BCO1: variants seen among roughly 807,000 people sequenced by gnomAD.
BCO1 encodes beta,beta-carotene 15,15'-dioxygenase.
BCO1 carries 54 observed loss-of-function variants against 56.3 expected under a neutral mutation model. The observed-to-expected ratio is 0.96, with a 90% CI of 0.77 to 1.20. The LOEUF (loss-of-function observed/expected upper bound fraction) is 1.20. BCO1 is among the 50% of genes most tolerant of loss of function. BCO1 has a pLI of 0.00. For synonymous variants in BCO1, 318 were observed against 266.1 expected (o/e 1.20, Z -1.90); for missense variants, 801 against 690.9 (o/e 1.16, Z -1.79).
chr16:81,278,630 A>C (rs1567462455), intron 7 of BCO1, among the ~76,000 whole-genome samples: 1 of 152,170 alleles, frequency 6.6e-6, no homozygotes, highest in Non-Finnish European at 1.5e-5. Context: ...AGTGCCTTGG[A>C]GACACTGCAG....
intron 6 of BCO1, 93 bp downstream of exon 6, chr16:81,268,224 G>T (rs948678475): frequency 1.9e-6 from 2 of 1,064,166 alleles, no homozygotes; most frequent in Non-Finnish European, 2.6e-6. Flanking sequence ...CAAGGAAGTG[G>T]CATGGAAGAG....
chr16:81,265,053 CA>C (rs1429629408), intron 5 of BCO1, among the ~76,000 whole-genome samples: 1 of 152,048 alleles, frequency 6.6e-6, no homozygotes, highest in Non-Finnish European at 1.5e-5. Context: ...ACCCATCTAC[CA>C]TCCATCCATC....
chr16:81,246,263 T>C (rs921234176), intron 2 of BCO1, among the ~76,000 whole-genome samples: 1 of 152,086 alleles, frequency 6.6e-6, no homozygotes, highest in African/African-American at 2.4e-5. Flanking sequence ...TTACATTGAA[T>C]CCACTCAGAT....
chr16:81,285,691 A>ACC, intron 9 of BCO1, 57 bp downstream of exon 9: 1 of 1,287,156 alleles, frequency 7.8e-7, no homozygotes, highest in Non-Finnish European at 1.1e-6. Context: ...CTATATGCAA[A>ACC]GCTGAATTCT....
At position 81,290,652 on chromosome 16, in the gene BCO1, G is replaced by A. The variant is rs1222145633; in HGVS notation, c.*75G>A. The stretch of plus-strand genomic sequence containing the variant: ...TGGATATGTTTCTTTGGATGGAGGG[G>A]AGGGCCTTTGTTACCTTTTGCACTT... On this transcript the variant is annotated 3_prime_UTR_variant, in exon 11 of 11. Coordinates refer to ENST00000258168, the MANE Select transcript of BCO1 (RefSeq NM_017429.3). 7.2e-6 allele frequency: 9 copies of A among 1,248,960 alleles called. No homozygotes were observed. Among genetic ancestry groups the A allele is most frequent in the East Asian group, 2.3e-5 (1 of 42,868 alleles). 77.4% of individuals were successfully genotyped at this position (1,248,960 alleles called of 1,614,324 possible). A position where few individuals can be genotyped will look rare whatever the true frequency, so the allele number is the denominator to read the frequency against.
At chr16:81,265,767 C>A (rs938006661) in intron 5 of BCO1, among the ~76,000 whole-genome samples, 19 of 122,472 alleles carry the variant, frequency 1.6e-4, no homozygotes, top group African/African-American at 5.4e-4. Flanking sequence ...TGCCATCCAT[C>A]CACTCATCCA....
intron 6 of BCO1, among the ~76,000 whole-genome samples, 200 bp from the exon 7 acceptor site, chr16:81,269,959 C>T (rs1431140127): frequency 6.6e-6 from 1 of 152,198 alleles, no homozygotes; most frequent in Non-Finnish European, 1.5e-5. Flanking sequence ...GAAAGATATA[C>T]TTATGGAAGT....
At chr16:81,286,320 G>A (rs563507333) in intron 9 of BCO1, among the ~76,000 whole-genome samples, 2 of 151,926 alleles carry the variant, frequency 1.3e-5, no homozygotes, top group South Asian at 4.2e-4. Flanking sequence ...TTTTTAAAAT[G>A]CAAACAGAGC....
chr16:81,270,694 G>C (rs201591593), intron 7 of BCO1, among the ~76,000 whole-genome samples: 126 of 85,630 alleles, frequency 1.5e-3, no homozygotes, highest in African/African-American at 5.5e-3. Context: ...CTCTGTGTCT[G>C]TGTGTGTGTG....
At chr16:81,239,568 G>A (rs1330619007) in intron 1 of BCO1, among the ~76,000 whole-genome samples, 1 of 152,162 alleles carries the variant, frequency 6.6e-6, no homozygotes, top group African/African-American at 2.4e-5. Context: ...ACTGCTGCCT[G>A]TCTCAGATGC....
chr16:81,274,258 C>CTTTTTT (rs755672295), intron 7 of BCO1, among the ~76,000 whole-genome samples: 9 of 80,578 alleles, frequency 1.1e-4, no homozygotes, highest in African/African-American at 2.9e-4. Context: ...GCTTGTGTAT[C>CTTTTTT]TTTTTTTTTT....
intron 2 of BCO1, among the ~76,000 whole-genome samples, chr16:81,250,537 A>T: frequency 6.8e-6 from 1 of 148,052 alleles, no homozygotes; most frequent in African/African-American, 2.5e-5. Context: ...AAAGCCAATA[A>T]CTCTCAAAAA....
chr16:81,274,454 C>T (rs1345379023), intron 7 of BCO1, among the ~76,000 whole-genome samples: 6 of 151,892 alleles, frequency 4.0e-5, no homozygotes, highest in Admixed American at 2.0e-4. Flanking sequence ...TTGGTAGAGA[C>T]GGGGTTTCAC....
intron 9 of BCO1, among the ~76,000 whole-genome samples, chr16:81,286,026 G>A (rs1908160861): frequency 6.8e-6 from 1 of 146,780 alleles, no homozygotes. Context: ...TTCTTTTTTT[G>A]TTTTGTTTTG....
chr16:81,275,396 T>C (rs775045768), intron 7 of BCO1, among the ~76,000 whole-genome samples: 3 of 152,244 alleles, frequency 2.0e-5, no homozygotes, highest in Non-Finnish European at 2.9e-5. Flanking sequence ...CCAGTGATTC[T>C]GCAGTGCAGC....
At chr16:81,240,636 C>G (rs998085992) in intron 1 of BCO1, among the ~76,000 whole-genome samples, 6 of 151,924 alleles carry the variant, frequency 3.9e-5, no homozygotes, top group African/African-American at 1.4e-4. Flanking sequence ...ACCCCGGAGG[C>G]AGAGGTTGCA....
chr16:81,239,034 T>C (rs1216739281), intron 1 of BCO1, 62 bp downstream of exon 1: 2 of 1,182,058 alleles, frequency 1.7e-6, no homozygotes, highest in East Asian at 5.4e-5. Flanking sequence ...TTTTTTTTTT[T>C]GAGGCGGAGT....
At chr16:81,270,018 G>T in intron 6 of BCO1, 141 bp from the exon 7 acceptor site, 1 of 1,065,202 alleles carries the variant, frequency 9.4e-7, no homozygotes, top group Non-Finnish European at 1.4e-6. Flanking sequence ...GTCTGGTGTT[G>T]TGGAGCACAC....
At chr16:81,251,722 G>C (rs1905808354) in intron 2 of BCO1, among the ~76,000 whole-genome samples, 1 of 151,810 alleles carries the variant, frequency 6.6e-6, no homozygotes, top group Non-Finnish European at 1.5e-5. Flanking sequence ...ATAGAAATGA[G>C]TGATTCCAAG....
Sources: allele counts gnomAD v4.1 joint callset (sites outside exome capture counted in the v4.1 genomes callset), GRCh38; gene constraint gnomAD v4.1.1; transcripts MANE v1.5; gene names NCBI Gene and HGNC (gene_info 2026-07-23, HGNC 2026-07-21).